The following ALDOA variants were observed in gnomAD, a reference collection of about 807,000 sequenced individuals.
The protein encoded by ALDOA is fructose-bisphosphate aldolase A.
A neutral mutation model predicts 43.9 loss-of-function variants in ALDOA; 26 were observed. The ratio of observed to expected loss-of-function variants is 0.59; its 90% CI spans 0.43 to 0.82. ALDOA has a LOEUF of 0.82. Among genes scored for constraint, ALDOA ranks in the 40% least tolerant of loss-of-function variants. The pLI is 0.00. For synonymous variants in ALDOA, 258 were observed against 222.6 expected (o/e 1.16, Z -1.42); for missense variants, 498 against 549.5 (o/e 0.91, Z 0.94).
rs542921450 is a variant in ALDOA, at chr16:30,068,095, C to G, written c.486+434C>G. 6.4e-4 allele frequency: 141 copies of G among 219,444 alleles called. 1 individual carries two copies. Among genetic ancestry groups the G allele is most frequent in the Middle Eastern group, 2.0e-3 (1 of 498 alleles). The allele number at this position is 219,444 out of a possible 1,614,324, so 13.6% of individuals were successfully genotyped here. A position where few individuals can be genotyped will look rare whatever the true frequency, so the allele number is the denominator to read the frequency against. Reference sequence around the variant, plus strand: ...TTTTTTTTTTTTTGAGATGGAGTCTCGCTGTCTCCCAGGCTGGAGTGCAGT... The same window carrying G: ...TTTTTTTTTTTTTGAGATGGAGTCTGGCTGTCTCCCAGGCTGGAGTGCAGT... On this transcript the variant is annotated intron_variant, in intron 4 of 9. Transcript: ENST00000642816.
At chr16:30,065,244 C>A (rs1295213025), upstream of ALDOA, among the ~76,000 whole-genome samples, 1 of 152,236 alleles carries the variant, frequency 6.6e-6, no homozygotes, top group Non-Finnish European at 1.5e-5. Flanking sequence ...GGGCCAGTGA[C>A]AGGGTGTCGG....
In ALDOA at chr16:30,070,150, C is replaced by G; in HGVS notation, c.1195C>G (p.Pro399Ala). The G allele has an allele frequency of 6.2e-7, 1 of 1,614,134 alleles. No homozygotes were observed. The highest frequency in any genetic ancestry group is 1.1e-5 in the South Asian group (1 of 91,084). ...NSLACQGKYT[P>A]SGQAGAAASE... is the part of the protein sequence containing the mutation. ...CCTTGCCTGTCAAGGAAAGTACACTCCGAGCGGTCAGGCTGGGGCTGCTGC... is the reference window on the plus strand; with the variant it reads ...CCTTGCCTGTCAAGGAAAGTACACTGCGAGCGGTCAGGCTGGGGCTGCTGC... The change falls in exon 10 of 10, where the codon CCG becomes GCG. Residue 399 changes from proline (P) to alanine (A), a missense_variant. Transcript: ENST00000642816.
chr16:30,069,741 G>A (rs2072252483), intron 8 of ALDOA, 68 bp downstream of exon 8: 1 of 1,611,628 alleles, frequency 6.2e-7, no homozygotes, highest in Non-Finnish European at 8.5e-7. Context: ...ATGCCCATTT[G>A]GACGGATTTC....
rs758491170 is a variant in ALDOA, at chr16:30,068,852, C to T, written c.576C>T (p.Tyr192=). ...LDGLSERCAQ[Y]KKDGADFAKW... ...GGCTGTCTGAGCGCTGTGCCCAGTA[C>T]AAGAAGGACGGAGCTGACTTCGCCA... The change falls in exon 6 of 10, where the codon TAC becomes TAT. Residue 192 remains tyrosine (Y), a synonymous_variant. Transcript: ENST00000642816. The T allele has an allele frequency of 6.2e-7, 1 of 1,614,128 alleles. No individual in the cohort carries two copies. Among genetic ancestry groups the T allele is most frequent in the African/African-American group, 1.3e-5 (1 of 74,932 alleles).
chr16:30,069,367 G>A lies in ALDOA; in HGVS notation c.764G>A (p.Arg255His), dbSNP rs534264493. Residue 255 changes from arginine (R) to histidine (H), a missense_variant, in exon 7 of 10, where the codon CGC (arginine) becomes CAC (histidine). Physicochemically the swap from Arg to His is conservative, Grantham distance 29. Transcript: ENST00000642816. ...CCTGATGGGGACCATGACTTGAAGC[G>A]CTGCCAGTATGTGACCGAGAAGGTA... ...ILPDGDHDLK[R>H]CQYVTEKVLA... 1.1e-4 allele frequency: 185 copies of A among 1,614,158 alleles called. No homozygotes were observed. Among genetic ancestry groups the A allele is most frequent in the Non-Finnish European group, 1.4e-4 (170 of 1,180,038 alleles).
At chr16:30,068,411 C>A in intron 4 of ALDOA, 1 of 587,656 alleles carries the variant, frequency 1.7e-6, no homozygotes, top group Non-Finnish European at 3.1e-6. Flanking sequence ...TATTTGCCAG[C>A]CCTGAGATGC....
Position 30,068,869 on chromosome 16 carries a change from A to C in ALDOA, c.593A>C (p.Asp198Ala). ...RCAQYKKDGA[D>A]FAKWRCVLKI... Reference sequence around the variant, plus strand: ...GCCCAGTACAAGAAGGACGGAGCTGACTTCGCCAAGTGGCGTTGTGTGCTG... The same window carrying C: ...GCCCAGTACAAGAAGGACGGAGCTGCCTTCGCCAAGTGGCGTTGTGTGCTG... The change falls in exon 6 of 10, where the codon GAC (aspartate) becomes GCC (alanine). Residue 198 changes from aspartate to alanine, a missense_variant. Physicochemically the swap from Asp to Ala is moderately radical, Grantham distance 126 (BLOSUM62 -2). Coordinates refer to ENST00000642816, the MANE Select transcript of ALDOA (RefSeq NM_001243177.4). The C allele has an allele frequency of 1.2e-6, 2 of 1,614,224 alleles. No homozygotes were observed. Among genetic ancestry groups the C allele is most frequent in the Non-Finnish European group, 1.7e-6 (2 of 1,180,036 alleles).
At chr16:30,068,516 T>C in intron 4 of ALDOA, 130 bp from the exon 5 acceptor site, 1 of 1,038,358 alleles carries the variant, frequency 9.6e-7, no homozygotes, top group Non-Finnish European at 1.5e-6. Context: ...GGCGGGAGGA[T>C]CACTTGAGTC....
rs1347081354 is a variant in ALDOA, at chr16:30,068,852, CAAG to C, written c.580_582del (p.Lys194del). ...GGCTGTCTGAGCGCTGTGCCCAGTA[CAAG>C]AAGGACGGAGCTGACTTCGCCAAGT... On this transcript the variant is annotated inframe_deletion, in exon 6 of 10. Coordinates refer to ENST00000642816, the MANE Select transcript of ALDOA (RefSeq NM_001243177.4). 6 of 1,614,128 alleles carry C rather than the reference CAAG, an allele frequency of 3.7e-6. No homozygotes were observed. Among genetic ancestry groups the C allele is most frequent in the Non-Finnish European group, 5.1e-6 (6 of 1,180,064 alleles).
Position 30,069,992 on chromosome 16 carries a change from T to C in ALDOA, c.1124T>C (p.Leu375Pro), listed in dbSNP as rs146116144. The C allele has an allele frequency of 1.9e-6, 3 of 1,613,764 alleles. No individual in the cohort carries two copies. Among genetic ancestry groups the C allele is most frequent in the East Asian group, 4.5e-5 (2 of 44,854 alleles). Reference protein sequence around the residue: ...LKAWGGKKENLKAAQEEYVKR... With the variant: ...LKAWGGKKENPKAAQEEYVKR... ...GCCTGGGGCGGGAAGAAGGAGAACC[T>C]GAAGGCTGCGCAGGAGGAGTATGTC... Residue 375 changes from leucine to proline, a missense_variant, in exon 9 of 10, where the codon CTG becomes CCG. By Grantham distance (98) the Leu-to-Pro change is moderately conservative. Transcript: ENST00000642816.
chr16:30,068,485 C>G lies in ALDOA; in HGVS notation c.487-161C>G, dbSNP rs2072199472. Reference sequence around the variant, plus strand: ...CTAAAGAAGAGGAAAGAGGGGCACGCCCAGCTACCTAGGAGGCTGAGGCGG... The same window carrying G: ...CTAAAGAAGAGGAAAGAGGGGCACGGCCAGCTACCTAGGAGGCTGAGGCGG... On this transcript the variant is annotated intron_variant, in intron 4 of 9. Transcript: ENST00000642816. 3.8e-6 allele frequency: 3 copies of G among 792,620 alleles called. No individual in the cohort carries two copies. The South Asian group carries it at 4.4e-5, about 12-fold the overall frequency. The allele number at this position is 792,620 out of a possible 1,614,324, so 49.1% of individuals were successfully genotyped here.
At chr16:30,066,472 C>T (rs975596424) in intron 1 of ALDOA, among the ~76,000 whole-genome samples, 12 of 152,348 alleles carry the variant, frequency 7.9e-5, no homozygotes, top group Admixed American at 2.6e-4. Flanking sequence ...GCTTGCTCCT[C>T]CACGTTCTTG....
chr16:30,067,020 C>T lies in ALDOA; in HGVS notation c.123C>T (p.His41=). 3 of 1,574,928 alleles carry T rather than the reference C, an allele frequency of 1.9e-6. No homozygotes were observed. Among genetic ancestry groups the T allele is most frequent in the Non-Finnish European group, 2.6e-6 (3 of 1,161,178 alleles). ...ACCCTCAGCTGGGCAACACCCAGCACCAGACAGAGTTAGGAAAGGTACAGG... is the reference window on the plus strand; with the variant it reads ...ACCCTCAGCTGGGCAACACCCAGCATCAGACAGAGTTAGGAAAGGTACAGG... The part of the protein sequence containing the change: ...QLHPQLGNTQ[H]QTELGKELAT... Residue 41 remains histidine, a synonymous_variant, in exon 2 of 10, where the codon CAC becomes CAT. Coordinates refer to ENST00000642816, the MANE Select transcript of ALDOA (RefSeq NM_001243177.4).
intron 6 of ALDOA, 119 bp downstream of exon 6, chr16:30,069,097 T>C: frequency 6.6e-7 from 1 of 1,509,898 alleles, no homozygotes; most frequent in Non-Finnish European, 9.1e-7. Flanking sequence ...CTTTGGCCCG[T>C]GGAGGACACT....
At chr16:30,069,147 G>C in intron 6 of ALDOA, 159 bp from the exon 7 acceptor site, 1 of 1,331,720 alleles carries the variant, frequency 7.5e-7, no homozygotes. Flanking sequence ...GAGGGATGGT[G>C]GGTGGATCTG....
chr16:30,065,387 G>A (rs1416937057), upstream of ALDOA, among the ~76,000 whole-genome samples: 4 of 152,186 alleles, frequency 2.6e-5, no homozygotes, highest in Non-Finnish European at 5.9e-5. Flanking sequence ...CTGGGCCTGG[G>A]AGGCGAAACT....
At chr16:30,064,289 A>C (rs1206295591), upstream of ALDOA, 2 of 394,828 alleles carry the variant, frequency 5.1e-6, no homozygotes, top group Non-Finnish European at 8.9e-6. Context: ...CTTAAAAAAA[A>C]CCAGGGCTCC....
chr16:30,067,231 C>T lies in ALDOA; in HGVS notation c.142-3C>T. On this transcript the variant is annotated splice_region_variant and splice_polypyrimidine_tract_variant and intron_variant, in intron 2 of 9. Coordinates refer to ENST00000642816, the MANE Select transcript of ALDOA (RefSeq NM_001243177.4). ...GTCCTTCCCCTCTGTTTCCTGTATC[C>T]AGGAACTTGCTACTACCAGCACCAT... The T allele has an allele frequency of 6.2e-7, 1 of 1,612,206 alleles. No homozygotes were observed. Among genetic ancestry groups the T allele is most frequent in the Non-Finnish European group, 8.5e-7 (1 of 1,179,988 alleles).
rs1215955912 is a variant in ALDOA at position 30,070,349 on chromosome 16, G to A, written c.*137G>A. On this transcript the variant is annotated 3_prime_UTR_variant, in exon 10 of 10. Transcript: ENST00000642816. ...CCTCGTGACAGTGGTGTGTGGTGTC[G>A]TCTGTGAATGCTAAGTCCATCACCC... The A allele has an allele frequency of 1.8e-5, 14 of 770,980 alleles. No individual in the cohort carries two copies. Among genetic ancestry groups the A allele is most frequent in the Non-Finnish European group, 2.7e-5 (12 of 449,266 alleles). 47.8% of individuals were successfully genotyped at this position (770,980 alleles called of 1,614,324 possible).
Sources: gnomAD v4.1 joint callset for allele counts (sites outside exome capture counted in the v4.1 genomes callset) on GRCh38, gnomAD v4.1.1 for gene constraint, MANE v1.5 for transcripts, NCBI Gene and HGNC (gene_info 2026-07-23, HGNC 2026-07-21) for gene names.